Variants in SPTBN1 observed in about 807,000 individuals in gnomAD.
SPTBN1 encodes the protein spectrin beta, non-erythrocytic 1, also known as spectrin beta chain, non-erythrocytic 1.
Under a neutral mutation model 266.4 loss-of-function variants are expected in SPTBN1, and 32 were observed. The ratio of observed to expected loss-of-function variants is 0.12; its 90% CI spans 0.09 to 0.16. The LOEUF (loss-of-function observed/expected upper bound fraction) is 0.16. Ranked by LOEUF, SPTBN1 falls within the 10% of genes least tolerant of loss-of-function variation. The pLI, the probability that SPTBN1 is intolerant of heterozygous loss-of-function variation, is 1.00. For synonymous variants in SPTBN1, 1,336 were observed against 1,162.2 expected, an observed-to-expected ratio of 1.15 and a Z score of -3.04; for missense variants, 2,296 against 3,067.1, an observed-to-expected ratio of 0.75 and a Z score of 5.94.
intron 32 of SPTBN1, chr2:54,661,728 A>T: frequency 1.0e-6 from 1 of 985,490 alleles, no homozygotes; most frequent in Non-Finnish European, 1.2e-6. Context: ...TATATATGTG[A>T]TGTTTTCATA....
In SPTBN1 at chr2:54,533,343, G is replaced by A. The variant is rs1671375518; in HGVS notation, c.148+6777G>A. On this transcript the variant is annotated intron_variant, in intron 2 of 35. Transcript: ENST00000356805. The surrounding 1 kb of genome is among the most constrained non-coding windows in gnomAD (Gnocchi z 4.2). The stretch of plus-strand genomic sequence containing the variant: ...ATGGAAAGTGAAACCCAGGCTAAAG[G>A]GGACTAGTGTGTGTGTGTGTGTGTG... Among the ~76,000 whole-genome samples, 1 of 144,212 alleles carries A rather than the reference G, an allele frequency of 6.9e-6. No homozygotes were observed. The highest frequency in any genetic ancestry group is 2.2e-4 in the South Asian group (1 of 4,470). The allele number at this position is 144,212 out of a possible 152,430, so 94.6% of individuals were successfully genotyped here. A position where few individuals can be genotyped will look rare whatever the true frequency, so the allele number is the denominator to read the frequency against.
At position 54,560,156 on chromosome 2, in the gene SPTBN1, C is replaced by T. The variant is rs568689757; in HGVS notation, c.148+33590C>T. 5.6e-3 allele frequency among the ~76,000 whole-genome samples: 758 copies of T among 136,446 alleles called. 3 individuals carry two copies. Among genetic ancestry groups the T allele is most frequent in the Middle Eastern group, 0.029 (7 of 244 alleles). The allele number at this position is 136,446 out of a possible 152,430, so 89.5% of individuals were successfully genotyped here. On this transcript the variant is annotated intron_variant, in intron 2 of 35. Transcript: ENST00000356805. The stretch of plus-strand genomic sequence containing the variant: ...CTTTTTTGAAAACTTAAGCTGGGGG[C>T]GCTTGCAAGTAGTAAATAGAGGAGT...
chr2:54,483,947 C>T lies in SPTBN1; in HGVS notation c.-48+27429C>T, dbSNP rs114053575. Among the ~76,000 whole-genome samples the T allele has an allele frequency of 2.8e-3, 422 of 152,168 alleles. 3 individuals are homozygous for T. The highest frequency in any genetic ancestry group is 9.7e-3 in the African/African-American group (403 of 41,530). On this transcript the variant is annotated intron_variant, in intron 1 of 35. Transcript: ENST00000356805. ...TGGTAGCTCATGCCTGTAATTCTAG[C>T]ACTTTGGGGGGCTGAGGCAGTCAGA...
chr2:54,467,705 T>G (rs1192791280), intron 1 of SPTBN1, among the ~76,000 whole-genome samples: 1 of 152,124 alleles, frequency 6.6e-6, no homozygotes, highest in African/African-American at 2.4e-5. Flanking sequence ...TTATAGTGAT[T>G]ACAATAGTTT....
At chr2:54,656,091 A>G in intron 29 of SPTBN1, 93 bp downstream of exon 29, 2 of 1,155,874 alleles carry the variant, frequency 1.7e-6, no homozygotes, top group Non-Finnish European at 1.2e-6. Flanking sequence ...GTTATCATTT[A>G]AAGATTGTTC....
At chr2:54,569,745 A>C (rs537449708) in intron 2 of SPTBN1, among the ~76,000 whole-genome samples, 2 of 152,278 alleles carry the variant, frequency 1.3e-5, no homozygotes, top group East Asian at 3.9e-4. Context: ...ATTAGGTGAG[A>C]TTCTGTGTGG....
chr2:54,585,613 A>G (rs1675238930), intron 2 of SPTBN1, among the ~76,000 whole-genome samples: 1 of 152,252 alleles, frequency 6.6e-6, no homozygotes, highest in South Asian at 2.1e-4. Flanking sequence ...TCTCTTTTAC[A>G]TGTTAAGATA....
intron 2 of SPTBN1, among the ~76,000 whole-genome samples, chr2:54,572,423 G>C (rs10205331): frequency 1.3e-5 from 2 of 151,710 alleles, no homozygotes; most frequent in East Asian, 3.9e-4. Flanking sequence ...TTTTCTAACC[G>C]CGAGTGTCTT....
chr2:54,651,750 T>C (rs17580876), intron 26 of SPTBN1, among the ~76,000 whole-genome samples: 5,995 of 152,278 alleles, frequency 0.039, 154 homozygotes, highest in Admixed American at 0.087. Flanking sequence ...GTAGGAAAAT[T>C]AGCTTTTCAG....
intron 1 of SPTBN1, among the ~76,000 whole-genome samples, chr2:54,522,649 A>AGG (rs1558802296): frequency 1.8e-4 from 10 of 54,950 alleles, no homozygotes; most frequent in African/African-American, 1.2e-3. Flanking sequence ...AGAAAGAAAG[A>AGG]GAGAGAGAAA....
intron 1 of SPTBN1, among the ~76,000 whole-genome samples, chr2:54,511,376 A>G (rs2104216024): frequency 6.6e-6 from 1 of 152,280 alleles, no homozygotes; most frequent in African/African-American, 2.4e-5. Context: ...TTGTTTTTAA[A>G]AATTTTTTTC....
chr2:54,514,405 A>G (rs1322017912), intron 1 of SPTBN1, among the ~76,000 whole-genome samples: 3 of 151,650 alleles, frequency 2.0e-5, no homozygotes, highest in African/African-American at 7.3e-5. Flanking sequence ...GCCCATTAAG[A>G]AAAAAAAATG....
At chr2:54,595,449 G>T (rs1676006121) in intron 2 of SPTBN1, among the ~76,000 whole-genome samples, 1 of 152,216 alleles carries the variant, frequency 6.6e-6, no homozygotes, top group Non-Finnish European at 1.5e-5. Flanking sequence ...AGCTTCTTGG[G>T]GAGGACTTGA....
intron 24 of SPTBN1, among the ~76,000 whole-genome samples, chr2:54,648,044 C>A (rs564153898): frequency 2.0e-5 from 3 of 152,112 alleles, no homozygotes; most frequent in Non-Finnish European, 4.4e-5. Flanking sequence ...CCTAACTCTT[C>A]GATATCAAGT....
At chr2:54,475,206 C>T (rs1473773978) in intron 1 of SPTBN1, among the ~76,000 whole-genome samples, 1 of 151,750 alleles carries the variant, frequency 6.6e-6, no homozygotes, top group African/African-American at 2.4e-5. Flanking sequence ...AACTCCGTCT[C>T]AAAAAAGAAA....
chr2:54,593,020 C>T lies in SPTBN1; in HGVS notation c.149-6072C>T, dbSNP rs367969566. Among the ~76,000 whole-genome samples, 21 of 152,324 alleles carry T rather than the reference C, an allele frequency of 1.4e-4. No individual in the cohort carries two copies. In the East Asian group the frequency reaches 3.3e-3, roughly 24 times the overall value. The stretch of plus-strand genomic sequence containing the variant: ...ATGCATGGCAATGTTATTGCAGACA[C>T]ACCATCTTATAAAATTCCATCTGGA... On this transcript the variant is annotated intron_variant, in intron 2 of 35. Coordinates refer to ENST00000356805, the MANE Select transcript of SPTBN1 (RefSeq NM_003128.3).
chr2:54,614,548 A>T (rs1288042859), intron 4 of SPTBN1, among the ~76,000 whole-genome samples: 2 of 152,170 alleles, frequency 1.3e-5, no homozygotes, highest in African/African-American at 4.8e-5. Context: ...CATGCCTGTA[A>T]TCCCAGCACT....
chr2:54,623,445 C>G (rs757630516), intron 9 of SPTBN1, 34 bp from the exon 10 acceptor site: 4 of 1,591,070 alleles, frequency 2.5e-6, no homozygotes, highest in South Asian at 1.1e-5. Flanking sequence ...TTTTTTTTCT[C>G]CAGTACCAAA....
chr2:54,649,339 A>G lies in SPTBN1; in HGVS notation c.5202+149A>G, dbSNP rs1680119404. 7.7e-6 allele frequency: 8 copies of G among 1,037,858 alleles called. No homozygotes were observed. Among genetic ancestry groups the G allele is most frequent in the Non-Finnish European group, 1.1e-5 (8 of 734,334 alleles). The allele number at this position is 1,037,858 out of a possible 1,614,324, so 64.3% of individuals were successfully genotyped here. ...GTTTTAAGGTGGTGTTTCTTTTATA[A>G]GCTGGTGACTCGCATTTAGGTTGGC... On this transcript the variant is annotated intron_variant, in intron 25 of 35. Transcript: ENST00000356805. The surrounding 1 kb of genome is among the most constrained non-coding windows in gnomAD (Gnocchi z 6.7).
Sources: gnomAD v4.1 joint callset for allele counts (sites outside exome capture counted in the v4.1 genomes callset) on GRCh38, gnomAD v4.1.1 for gene constraint, Gnocchi (gnomAD v3.1) non-coding constraint, MANE v1.5 for transcripts, NCBI Gene and HGNC (gene_info 2026-07-23, HGNC 2026-07-21) for gene names.